Variants in CRB2 observed in about 807,000 individuals in gnomAD.
CRB2 encodes protein crumbs homolog 2.
CRB2 carries 85 observed loss-of-function variants against 110.9 expected under a neutral mutation model. That is an observed-to-expected ratio of 0.77 (90% CI 0.64 to 0.92). The LOEUF is 0.92. Ranked by LOEUF, CRB2 falls within the 40% of genes least tolerant of loss-of-function variation. CRB2 has a pLI of 0.00. For synonymous variants in CRB2, 907 were observed against 831.0 expected, an observed-to-expected ratio of 1.09 and a Z score of -1.57; for missense variants, 1,843 against 1,851.3, an observed-to-expected ratio of 1.00 and a Z score of 0.08.
At chr9:123,354,180 G>A (rs893879008), upstream of CRB2, among the ~76,000 whole-genome samples, 1 of 152,222 alleles carries the variant, frequency 6.6e-6, no homozygotes, top group African/African-American at 2.4e-5. Flanking sequence ...CGGTGCTGTC[G>A]GGGGAGCCCC....
intron 6 of CRB2, chr9:123,368,667 A>AGACCTCTGAGGTCAGAGCCAGGGAGGGGG: frequency 1.7e-6 from 1 of 575,832 alleles, no homozygotes; most frequent in African/African-American, 2.0e-5. Context: ...CAGGGAGGGC[A>AGACCTCTGAGGTCAGAGCCAGGGAGGGGG]GACCTCTGAG....
At position 123,366,277 on chromosome 9, in the gene CRB2, G is replaced by A. The variant is rs1212259669; in HGVS notation, c.665G>A (p.Arg222Gln). 15 of 1,512,116 alleles carry A rather than the reference G, an allele frequency of 9.9e-6. No homozygotes were observed. The highest frequency in any genetic ancestry group is 1.3e-5 in the Non-Finnish European group (15 of 1,142,364). The allele number at this position is 1,512,116 out of a possible 1,614,324, so 93.7% of individuals were successfully genotyped here. ...GTGYEGTHCE[R>Q]EVLECASAPC... ...GGCTACGAGGGCACGCACTGCGAGC[G>A]GGAGGTGCTGGAGTGCGCATCGGCG... The change falls in exon 4 of 13, where the codon CGG (arginine) becomes CAG (glutamine). Residue 222 changes from arginine to glutamine, a missense_variant. Arg to Gln is a conservative substitution (Grantham distance 43). Transcript: ENST00000373631.
chr9:123,364,981 G>C (rs2041912827), intron 2 of CRB2, among the ~76,000 whole-genome samples: 1 of 152,214 alleles, frequency 6.6e-6, no homozygotes, highest in Admixed American at 6.5e-5. Context: ...AGTAGGTAGG[G>C]CCAGGTGTGG....
chr9:123,371,351 C>G lies in CRB2; in HGVS notation c.2209C>G (p.Gln737Glu), dbSNP rs753168942. 15 of 1,604,546 alleles carry G rather than the reference C, an allele frequency of 9.3e-6. No individual in the cohort carries two copies. The highest frequency in any genetic ancestry group is 1.1e-5 in the Non-Finnish European group (13 of 1,174,850). ...HLVMLSFGPD[Q>E]LQDLGQHVHV... is the part of the protein sequence containing the mutation. ...GGTGATGCTCAGCTTCGGGCCTGAC[C>G]AGCTGCAGGACCTGGGGCAGCACGT... is the stretch of plus-strand genomic sequence containing the variant. The change falls in exon 8 of 13, where the codon CAG becomes GAG. Residue 737 changes from glutamine (Q) to glutamate (E), a missense_variant. Gln to Glu is a conservative substitution (Grantham distance 29, BLOSUM62 2). Transcript: ENST00000373631.
At chr9:123,359,436 GTTTTGTTTTT>G (rs2041837272) in intron 1 of CRB2, among the ~76,000 whole-genome samples, 2 of 62,432 alleles carry the variant, frequency 3.2e-5, no homozygotes, top group African/African-American at 1.3e-4. Flanking sequence ...TTTCGTTTTT[GTTTTGTTTTT>G]TTTTTTTTTT....
At chr9:123,368,181 G>T (rs1182632350) in intron 6 of CRB2, among the ~76,000 whole-genome samples, 1 of 152,074 alleles carries the variant, frequency 6.6e-6, no homozygotes, top group Non-Finnish European at 1.5e-5. Context: ...TGCCCCCTCT[G>T]GAATGCCTGC....
At chr9:123,355,364 G>C (rs557382836), upstream of CRB2, among the ~76,000 whole-genome samples, 244 of 152,192 alleles carry the variant, frequency 1.6e-3, 1 homozygote, top group African/African-American at 5.6e-3. Context: ...CAGTAGAATG[G>C]GCTGCTTTGG....
At chr9:123,364,141 C>T (rs1022425508) in intron 2 of CRB2, among the ~76,000 whole-genome samples, 2 of 152,162 alleles carry the variant, frequency 1.3e-5, no homozygotes, top group Non-Finnish European at 2.9e-5. Context: ...GAAGCTGGTT[C>T]CATGCATCTT....
intron 2 of CRB2, among the ~76,000 whole-genome samples, chr9:123,365,306 A>ATG (rs1457384271): frequency 4.6e-5 from 7 of 152,024 alleles, no homozygotes; most frequent in African/African-American, 9.7e-5. Context: ...ACTAACTAAA[A>ATG]TGTAGGTGGG....
chr9:123,368,533 C>A lies in CRB2; in HGVS notation c.1054+847C>A, dbSNP rs565953992. The stretch of plus-strand genomic sequence containing the variant: ...GCATTTTGTTTTTTCCTTGCCACAG[C>A]CCCATGAGGCAGGGGTTTAAAACCC... On this transcript the variant is annotated intron_variant, in intron 6 of 12. Transcript: ENST00000373631. Among the ~76,000 whole-genome samples, 3 of 152,370 alleles carry A rather than the reference C, an allele frequency of 2.0e-5. No homozygotes were observed. In the East Asian group the frequency reaches 5.8e-4, roughly 29 times the overall value.
chr9:123,354,426 G>A (rs1483592987), upstream of CRB2, among the ~76,000 whole-genome samples: 1 of 152,242 alleles, frequency 6.6e-6, no homozygotes, highest in Non-Finnish European at 1.5e-5. Context: ...GGGTCTCTGG[G>A]GGATCACTGA....
At chr9:123,369,490 G>T (rs2041982606) in intron 6 of CRB2, among the ~76,000 whole-genome samples, 1 of 152,144 alleles carries the variant, frequency 6.6e-6, no homozygotes, top group South Asian at 2.1e-4. Context: ...TTTGGGCTTT[G>T]CAGGATGAGT....
At chr9:123,374,748 G>A (rs774775602) in intron 11 of CRB2, 53 bp downstream of exon 11, 226 of 1,321,770 alleles carry the variant, frequency 1.7e-4, no homozygotes, top group Non-Finnish European at 2.2e-4. Context: ...GTGGAGGGCT[G>A]TTCCTCCAGC....
intron 5 of CRB2, 94 bp from the exon 6 acceptor site, chr9:123,367,478 TC>T (rs1452838707): frequency 9.3e-7 from 1 of 1,072,790 alleles, no homozygotes; most frequent in African/African-American, 2.0e-5. Context: ...CTGCCCTCTC[TC>T]TTGGACTCAG....
downstream of CRB2, among the ~76,000 whole-genome samples, chr9:123,379,155 G>A (rs2042161010): frequency 6.6e-6 from 1 of 152,086 alleles, no homozygotes; most frequent in Non-Finnish European, 1.5e-5. Context: ...GCAAGTGGGG[G>A]CATGGTCAGA....
chr9:123,354,291 CTG>C (rs1347583128), upstream of CRB2, among the ~76,000 whole-genome samples: 1 of 152,222 alleles, frequency 6.6e-6, no homozygotes, highest in Admixed American at 6.5e-5. Flanking sequence ...GCAGAGGAGA[CTG>C]GACCTGCGCC....
At chr9:123,375,081 G>A (rs1272635278) in intron 11 of CRB2, 136 bp from the exon 12 acceptor site, 2 of 1,333,618 alleles carry the variant, frequency 1.5e-6, no homozygotes, top group Non-Finnish European at 2.1e-6. Context: ...GGGCCCAGCT[G>A]GGCAGGAGCA....
rs200091031 is a variant in CRB2, at chr9:123,363,080, C to T, written c.310C>T (p.Arg104Cys). 172 of 1,611,620 alleles carry T rather than the reference C, an allele frequency of 1.1e-4. No homozygotes were observed. The Admixed American group carries it at 2.1e-3, about 19-fold the overall frequency. The change falls in exon 2 of 13, where the codon CGC becomes TGC. Residue 104 changes from arginine (R) to cysteine (C), a missense_variant. Physicochemically the swap from Arg to Cys is radical, Grantham distance 180 (BLOSUM62 -3). Transcript: ENST00000373631. The part of the protein sequence containing the change: ...CYCVPGFQGP[R>C]CELDIDECAS... ...CTGCGTGCCGGGTTTCCAGGGCCCA[C>T]GCTGCGAGCTGGACATCGATGAGTG...
chr9:123,373,591 C>G lies in CRB2; in HGVS notation c.3060C>G (p.Gly1020=). ...GCTGCTTGGGCCGCGTGGCGCTGGG[C>G]GGCCTGCCCCTGCCCTTGGCGCGGC... ...FTGCLGRVAL[G]GLPLPLARPR... is the part of the protein sequence containing the mutation. Residue 1020 remains glycine (G), a synonymous_variant, in exon 10 of 13, where the codon GGC becomes GGG. Coordinates refer to ENST00000373631, the MANE Select transcript of CRB2 (RefSeq NM_173689.7). The G allele has an allele frequency of 7.0e-7, 1 of 1,430,716 alleles. No homozygotes were observed. The highest frequency in any genetic ancestry group is 2.6e-5 in the Admixed American group (1 of 38,984). The allele number at this position is 1,430,716 out of a possible 1,614,324, so 88.6% of individuals were successfully genotyped here.
Sources: allele counts gnomAD v4.1 joint callset (sites outside exome capture counted in the v4.1 genomes callset), GRCh38; gene constraint gnomAD v4.1.1; transcripts MANE v1.5; gene names NCBI Gene and HGNC (gene_info 2026-07-23, HGNC 2026-07-21).